The following DNAJC11 variants were observed in gnomAD, a reference collection of about 807,000 sequenced individuals.
The protein encoded by DNAJC11 is DnaJ heat shock protein family (Hsp40) member C11, also known as dnaJ homolog subfamily C member 11.
Under a neutral mutation model 78.6 loss-of-function variants are expected in DNAJC11, and 15 were observed. The ratio of observed to expected loss-of-function variants is 0.19; its 90% CI spans 0.13 to 0.29. The LOEUF (loss-of-function observed/expected upper bound fraction) is 0.29. DNAJC11 is among the 10% of genes least tolerant of loss of function. The pLI, the probability that DNAJC11 is intolerant of heterozygous loss-of-function variation, is 1.00. For synonymous variants in DNAJC11, 292 were observed against 272.1 expected, an observed-to-expected ratio of 1.07 and a Z score of -0.72; for missense variants, 547 against 709.6, an observed-to-expected ratio of 0.77 and a Z score of 2.60.
intron 12 of DNAJC11, chr1:6,638,057 G>C (rs1203727678): frequency 9.0e-6 from 4 of 445,622 alleles, no homozygotes; most frequent in African/African-American, 8.0e-5. Flanking sequence ...AACACTCAGA[G>C]GGAAGAAAAA....
rs368506654 is a variant in DNAJC11 at position 6,673,151 on chromosome 1, G to A, written c.276+5243C>T. 8.2e-4 allele frequency among the ~76,000 whole-genome samples: 111 copies of A among 134,672 alleles called. 2 individuals are homozygous for A. The South Asian group carries it at 0.024, about 30-fold the overall frequency. 88.4% of individuals were successfully genotyped at this position (134,672 alleles called of 152,430 possible). A position where few individuals can be genotyped will look rare whatever the true frequency, so the allele number is the denominator to read the frequency against. ...GCAGAGGTTGCCGTGAACGGAGATC[G>A]TGCCACTTCACTCCAGCCTGGGTGA... On this transcript the variant is annotated intron_variant, in intron 3 of 15. Transcript: ENST00000377577.
At chr1:6,647,734 G>A (rs1209245699) in intron 7 of DNAJC11, among the ~76,000 whole-genome samples, 1 of 152,114 alleles carries the variant, frequency 6.6e-6, no homozygotes, top group Non-Finnish European at 1.5e-5. Context: ...AGAATAGCTT[G>A]AACCTGGGAG....
intron 7 of DNAJC11, among the ~76,000 whole-genome samples, chr1:6,648,742 C>T (rs1315058580): frequency 3.3e-5 from 5 of 152,194 alleles, no homozygotes; most frequent in African/African-American, 1.2e-4. Context: ...AAGCATGAGC[C>T]ACCACACCCT....
chr1:6,643,913 C>T (rs898721764), intron 10 of DNAJC11, among the ~76,000 whole-genome samples: 6 of 152,116 alleles, frequency 3.9e-5, no homozygotes, highest in South Asian at 2.1e-4. Flanking sequence ...CTCTGTCACC[C>T]GGGCTGGAGT....
At chr1:6,644,918 C>G (rs983840552) in intron 9 of DNAJC11, 123 bp downstream of exon 9, 8 of 989,986 alleles carry the variant, frequency 8.1e-6, no homozygotes, top group African/African-American at 3.2e-5. Context: ...ATAGGAAGCT[C>G]TCCAAAAATG....
intron 7 of DNAJC11, among the ~76,000 whole-genome samples, chr1:6,647,012 C>T (rs561899401): frequency 1.3e-5 from 2 of 151,690 alleles, no homozygotes; most frequent in East Asian, 3.9e-4. Context: ...ACAAAATTAG[C>T]CAGGTGTAGC....
intron 3 of DNAJC11, among the ~76,000 whole-genome samples, chr1:6,673,699 A>G (rs1254927040): frequency 6.6e-6 from 1 of 152,158 alleles, no homozygotes; most frequent in Admixed American, 6.5e-5. Context: ...ATTTCACTAG[A>G]TTTTCTACGA....
At chr1:6,649,151 G>A (rs1642013894) in intron 7 of DNAJC11, among the ~76,000 whole-genome samples, 1 of 151,690 alleles carries the variant, frequency 6.6e-6, no homozygotes, top group South Asian at 2.1e-4. Context: ...AGTCACATCG[G>A]CTCCTTTTCC....
intron 4 of DNAJC11, 89 bp from the exon 5 acceptor site, chr1:6,654,128 T>G: frequency 6.6e-7 from 1 of 1,519,186 alleles, no homozygotes; most frequent in Non-Finnish European, 9.0e-7. Context: ...CTCGCTTTAA[T>G]TGAACAAGTC....
chr1:6,682,757 A>G (rs566604464), intron 1 of DNAJC11, among the ~76,000 whole-genome samples: 63 of 152,292 alleles, frequency 4.1e-4, no homozygotes, highest in Admixed American at 2.4e-3. Context: ...GCGAAACCCC[A>G]TATCTACCCA....
At chr1:6,654,074 T>C (rs753253760) in intron 4 of DNAJC11, 35 bp from the exon 5 acceptor site, 2 of 1,605,356 alleles carry the variant, frequency 1.2e-6, no homozygotes, top group South Asian at 2.2e-5. Flanking sequence ...GCAGAACGGG[T>C]GGTATTTGTG....
Position 6,682,163 on chromosome 1 carries a change from C to CAAAAAAAAAA in DNAJC11, c.73-1136_73-1127dup, listed in dbSNP as rs60985504. 8.5e-5 allele frequency among the ~76,000 whole-genome samples: 8 copies of CAAAAAAAAAA among 94,062 alleles called. 1 individual carries two copies. Among genetic ancestry groups the CAAAAAAAAAA allele is most frequent in the Admixed American group, 1.4e-4 (1 of 6,930 alleles). 61.7% of individuals were successfully genotyped at this position (94,062 alleles called of 152,430 possible). A position where few individuals can be genotyped will look rare whatever the true frequency, so the allele number is the denominator to read the frequency against. On this transcript the variant is annotated intron_variant, in intron 1 of 15. Transcript: ENST00000377577. ...TAAGTTAGTCCTGGGACCATAATTA[C>CAAAAAAAAAA]AAAAAAAAAAAAAAAAAAAAGATGA...
chr1:6,678,091 C>T (rs751722700), intron 3 of DNAJC11, among the ~76,000 whole-genome samples: 4 of 152,172 alleles, frequency 2.6e-5, no homozygotes, highest in Non-Finnish European at 4.4e-5. Context: ...CCCCCTGCTC[C>T]GCTTGCTCCC....
intron 1 of DNAJC11, among the ~76,000 whole-genome samples, chr1:6,696,109 G>A (rs992466136): frequency 3.3e-4 from 50 of 152,362 alleles, no homozygotes; most frequent in African/African-American, 1.1e-3. Flanking sequence ...ATCTGAATAA[G>A]TTGTTTTTGG....
intron 10 of DNAJC11, among the ~76,000 whole-genome samples, chr1:6,642,061 C>G: frequency 6.6e-6 from 1 of 152,188 alleles, no homozygotes; most frequent in East Asian, 1.9e-4. Context: ...ACGTATTTAT[C>G]TGCAGACTGA....
chr1:6,686,392 G>A (rs1466315240), intron 1 of DNAJC11, among the ~76,000 whole-genome samples: 1 of 152,206 alleles, frequency 6.6e-6, no homozygotes, highest in Non-Finnish European at 1.5e-5. Flanking sequence ...TGATACTGCA[G>A]TAACAAACAA....
intron 7 of DNAJC11, among the ~76,000 whole-genome samples, chr1:6,649,629 G>C (rs907108444): frequency 6.6e-6 from 1 of 152,072 alleles, no homozygotes; most frequent in African/African-American, 2.4e-5. Flanking sequence ...CAAACGACCA[G>C]ACTAGTGGGC....
At chr1:6,677,927 T>C (rs115987370) in intron 3 of DNAJC11, among the ~76,000 whole-genome samples, 231 of 152,326 alleles carry the variant, frequency 1.5e-3, no homozygotes, top group African/African-American at 5.4e-3. Context: ...TCTGCTTCCA[T>C]TTTGCTCACG....
chr1:6,698,494 A>G (rs1427472782), intron 1 of DNAJC11, among the ~76,000 whole-genome samples: 2 of 152,198 alleles, frequency 1.3e-5, no homozygotes, highest in East Asian at 3.8e-4. Flanking sequence ...ACACCTGAGT[A>G]TGACATTTAA....
Sources: allele counts gnomAD v4.1 joint callset (sites outside exome capture counted in the v4.1 genomes callset), GRCh38; gene constraint gnomAD v4.1.1; transcripts MANE v1.5; gene names NCBI Gene and HGNC (gene_info 2026-07-23, HGNC 2026-07-21).